Variants in ASIC5 observed in about 807,000 individuals in gnomAD.
ASIC5 encodes bile acid-sensitive ion channel.
Under a neutral mutation model 51.2 loss-of-function variants are expected in ASIC5, and 52 were observed. The ratio of observed to expected loss-of-function variants is 1.02; its 90% CI spans 0.81 to 1.28. The LOEUF (loss-of-function observed/expected upper bound fraction) is 1.28, where lower values mean the gene tolerates loss of function less well. Ranked by LOEUF, ASIC5 falls within the 50% of genes most tolerant of loss-of-function variation. The pLI is 0.00. For missense variants in ASIC5, 635 were observed against 595.0 expected, an observed-to-expected ratio of 1.07 and a Z score of -0.70; for synonymous variants, 231 against 200.7, an observed-to-expected ratio of 1.15 and a Z score of -1.28.
chr4:155,865,076 A>G (rs1213285130), intron 1 of ASIC5: 1 of 152,034 alleles, frequency 6.6e-6, no homozygotes, highest in East Asian at 1.9e-4. Flanking sequence ...CAGTTATAGG[A>G]CATATGCTAT....
Position 155,829,935 on chromosome 4 carries a change from A to T in ASIC5, c.1439T>A (p.Leu480Gln). 2 of 1,608,394 alleles carry T rather than the reference A, an allele frequency of 1.2e-6. No homozygotes were observed. The highest frequency in any genetic ancestry group is 1.7e-6 in the Non-Finnish European group (2 of 1,177,678). Residue 480 changes from leucine to glutamine, a missense_variant, in exon 10 of 10, where the codon CTG (leucine) becomes CAG (glutamine). Transcript: ENST00000537611. ...CCACTGGGTCATTTCAGATATCTTC[A>T]GCAAAAAGAAAATGCATATCCAGTA... ...NFYWICIFFLLKISEMTQWTP... is the reference protein window; with the variant it reads ...NFYWICIFFLQKISEMTQWTP...
Position 155,838,889 on chromosome 4 carries a change from A to G in ASIC5, c.1010-20T>C, listed in dbSNP as rs1242464213. 1.5e-6 allele frequency: 2 copies of G among 1,355,282 alleles called. No individual in the cohort carries two copies. The highest frequency in any genetic ancestry group is 2.1e-6 in the Non-Finnish European group (2 of 962,390). The allele number at this position is 1,355,282 out of a possible 1,614,324, so 84.0% of individuals were successfully genotyped here. On this transcript the variant is annotated intron_variant, in intron 6 of 9. Coordinates refer to ENST00000537611, the MANE Select transcript of ASIC5 (RefSeq NM_017419.3). ...CATATCCTTAAAAATAATAAGTGTA[A>G]CATATAGAGACTTTACATTTTGTAA...
At chr4:155,840,556 C>T (rs1741093721) in intron 6 of ASIC5, among the ~76,000 whole-genome samples, 1 of 150,210 alleles carries the variant, frequency 6.7e-6, no homozygotes, top group African/African-American at 2.4e-5. Flanking sequence ...CTAACTGACT[C>T]CATCTTGTTT....
rs200244304 is a variant in ASIC5, at chr4:155,852,325, T to G, written c.586-9A>C. 2 of 1,577,400 alleles carry G rather than the reference T, an allele frequency of 1.3e-6. No individual in the cohort carries two copies. Among genetic ancestry groups the G allele is most frequent in the African/African-American group, 2.8e-5 (2 of 71,770 alleles). The stretch of plus-strand genomic sequence containing the variant: ...AAGACATGTGCAAAATCCTCCAATA[T>G]GTAAATGAACCAAAAAAAACCATCA... On this transcript the variant is annotated splice_polypyrimidine_tract_variant and intron_variant, in intron 3 of 9. Coordinates refer to ENST00000537611, the MANE Select transcript of ASIC5 (RefSeq NM_017419.3).
chr4:155,854,435 A>C, intron 2 of ASIC5, 121 bp from the exon 3 acceptor site: 1 of 731,232 alleles, frequency 1.4e-6, no homozygotes, highest in Non-Finnish European at 2.3e-6. Context: ...CCTTATTTGC[A>C]AGACATTTAA....
chr4:155,850,807 A>G (rs1370832440), intron 4 of ASIC5, among the ~76,000 whole-genome samples: 1 of 151,964 alleles, frequency 6.6e-6, no homozygotes, highest in East Asian at 1.9e-4. Context: ...GATTTACACT[A>G]TTTCTTTAAC....
At position 155,836,807 on chromosome 4, in the gene ASIC5, A is replaced by G; in HGVS notation, c.1117T>C (p.Cys373Arg). Reference protein sequence around the residue: ...LCTVGTHNSSCPVSCEEIEYP... With the variant: ...LCTVGTHNSSRPVSCEEIEYP... ...TCTATTTCTTCACAAGAAACGGGGCAGCTAGAGTTATGTGTTCCTACTGTA... is the reference window on the plus strand; with the variant it reads ...TCTATTTCTTCACAAGAAACGGGGCGGCTAGAGTTATGTGTTCCTACTGTA... The change falls in exon 8 of 10, where the codon TGC (cysteine) becomes CGC (arginine). Residue 373 changes from cysteine (C) to arginine (R), a missense_variant. Coordinates refer to ENST00000537611, the MANE Select transcript of ASIC5 (RefSeq NM_017419.3). 6.2e-7 allele frequency: 1 copy of G among 1,609,826 alleles called. No homozygotes were observed. Among genetic ancestry groups the G allele is most frequent in the Non-Finnish European group, 8.5e-7 (1 of 1,176,188 alleles).
chr4:155,851,494 C>T (rs975650182), intron 4 of ASIC5, among the ~76,000 whole-genome samples: 9 of 151,950 alleles, frequency 5.9e-5, no homozygotes, highest in African/African-American at 2.2e-4. Context: ...TTACAATCCT[C>T]TTTTATAAAA....
rs745680828 is a variant in ASIC5, at chr4:155,854,172, A to G, written c.490T>C (p.Phe164Leu). The G allele has an allele frequency of 6.2e-7, 1 of 1,613,476 alleles. No homozygotes were observed. The highest frequency in any genetic ancestry group is 2.2e-5 in the East Asian group (1 of 44,826). ...ATDFAASHQN[F>L]SIVEFIRNKG... ...TTCCTGATAAATTCCACAATGCTGA[A>G]GTTTTGGTGACTTGCAGCAAAATCA... Residue 164 changes from phenylalanine to leucine, a missense_variant, in exon 3 of 10, where the codon TTC (phenylalanine) becomes CTC (leucine). By Grantham distance (22) the Phe-to-Leu change is conservative. Transcript: ENST00000537611.
Position 155,850,486 on chromosome 4 carries a change from T to C in ASIC5, c.711+1705A>G, listed in dbSNP as rs764299290. 3.6e-4 allele frequency among the ~76,000 whole-genome samples: 55 copies of C among 152,050 alleles called. 1 individual carries two copies. The highest frequency in any genetic ancestry group is 1.5e-3 in the Admixed American group (23 of 15,230). ...GTGTCATGGGTGCCTGTTCTTAACT[T>C]TGGCAAATAAACTTTCTAAAATGAT... On this transcript the variant is annotated intron_variant, in intron 4 of 9. Transcript: ENST00000537611.
chr4:155,842,213 G>A lies in ASIC5; in HGVS notation c.1003C>T (p.Leu335Phe), dbSNP rs752108160. 3.1e-6 allele frequency: 5 copies of A among 1,613,236 alleles called. No homozygotes were observed. The highest frequency in any genetic ancestry group is 1.7e-4 in the Middle Eastern group (1 of 6,050). Residue 335 changes from leucine to phenylalanine, a missense_variant, in exon 6 of 10, where the codon CTT becomes TTT. By Grantham distance (22) the Leu-to-Phe change is conservative. Transcript: ENST00000537611. ...KKQCGCVPFL[L>F]PGYGIECDLQ... is the part of the protein sequence containing the mutation. The stretch of plus-strand genomic sequence containing the variant: ...GCAGTTAGTCTTTATTTACCAGGAA[G>A]AAGAAAAGGCACACATCCACATTGC...
At chr4:155,861,715 G>C (rs1741711460) in intron 2 of ASIC5, among the ~76,000 whole-genome samples, 1 of 151,824 alleles carries the variant, frequency 6.6e-6, no homozygotes, top group African/African-American at 2.4e-5. Flanking sequence ...TTTACTTTTT[G>C]TTTTCTCTAT....
intron 5 of ASIC5, 45 bp from the exon 6 acceptor site, chr4:155,842,399 A>C: frequency 6.7e-7 from 1 of 1,485,862 alleles, no homozygotes; most frequent in Non-Finnish European, 9.1e-7. Context: ...TGTTTACATC[A>C]ATTCACTTAT....
intron 6 of ASIC5, among the ~76,000 whole-genome samples, chr4:155,841,452 T>A (rs764211438): frequency 6.6e-6 from 1 of 152,108 alleles, no homozygotes; most frequent in Non-Finnish European, 1.5e-5. Context: ...GGTCACTTGT[T>A]CAAGATCACC....
intron 2 of ASIC5, among the ~76,000 whole-genome samples, chr4:155,863,067 G>A (rs972782892): frequency 1.3e-5 from 2 of 152,074 alleles, no homozygotes; most frequent in Non-Finnish European, 2.9e-5. Flanking sequence ...ATCTGGCTGG[G>A]CACAGTGGCT....
chr4:155,833,214 A>C (rs1740908769), intron 8 of ASIC5, among the ~76,000 whole-genome samples: 1 of 152,214 alleles, frequency 6.6e-6, no homozygotes, highest in Non-Finnish European at 1.5e-5. Context: ...AGATGAAACC[A>C]CCAAATGAAT....
chr4:155,830,168 T>C, intron 9 of ASIC5, 122 bp from the exon 10 acceptor site: 1 of 626,644 alleles, frequency 1.6e-6, no homozygotes, highest in Non-Finnish European at 2.7e-6. Context: ...TTAATTTTAT[T>C]ATTTTAACAT....
In ASIC5 at chr4:155,832,452, ACT is replaced by A. The variant is rs1279352455; in HGVS notation, c.1236-539_1236-538del. ...GTGTCATTAATATACCTAGGCAAAG[ACT>A]CTGTTTTCTTAATGTCTGTTTGAAA... On this transcript the variant is annotated intron_variant, in intron 8 of 9. Transcript: ENST00000537611. 2.6e-5 allele frequency among the ~76,000 whole-genome samples: 4 copies of A among 152,018 alleles called. No individual in the cohort carries two copies. The East Asian group carries it at 7.7e-4, about 29-fold the overall frequency.
chr4:155,864,289 T>C (rs1335663019), intron 1 of ASIC5, among the ~76,000 whole-genome samples: 2 of 152,196 alleles, frequency 1.3e-5, no homozygotes, highest in Non-Finnish European at 2.9e-5. Flanking sequence ...GTTGGTTGTT[T>C]AGTCAGAATG....
Sources: allele counts gnomAD v4.1 joint callset (sites outside exome capture counted in the v4.1 genomes callset), GRCh38; gene constraint gnomAD v4.1.1; transcripts MANE v1.5; gene names NCBI Gene and HGNC (gene_info 2026-07-23, HGNC 2026-07-21).